Variants in EXOC4 observed in about 807,000 individuals in gnomAD.
EXOC4 encodes exocyst complex component 4, also known as SEC8-like 1.
EXOC4 carries 71 observed loss-of-function variants against 107.2 expected under a neutral mutation model. The ratio of observed to expected loss-of-function variants is 0.66; its 90% CI spans 0.55 to 0.81. EXOC4 has a LOEUF of 0.81. Among genes scored for constraint, EXOC4 ranks in the 30% least tolerant of loss-of-function variants. EXOC4 has a pLI of 0.00. For missense variants in EXOC4, 1,108 were observed against 1,189.6 expected (o/e 0.93, Z 1.01); for synonymous variants, 456 against 441.2 (o/e 1.03, Z -0.42).
At chr7:133,401,142 G>A (rs1797079434) in intron 7 of EXOC4, among the ~76,000 whole-genome samples, 2 of 149,488 alleles carry the variant, frequency 1.3e-5, no homozygotes, top group African/African-American at 4.9e-5. Context: ...TTTGTATACA[G>A]TATTATTCCT....
intron 16 of EXOC4, among the ~76,000 whole-genome samples, chr7:134,006,159 T>G (rs1794638207): frequency 1.3e-5 from 2 of 152,076 alleles, no homozygotes; most frequent in Admixed American, 1.3e-4. Flanking sequence ...CCCCTGCATA[T>G]CAACATTTGT....
chr7:133,690,301 A>C (rs1275173077), intron 10 of EXOC4, among the ~76,000 whole-genome samples: 1 of 152,234 alleles, frequency 6.6e-6, no homozygotes, highest in East Asian at 1.9e-4. Context: ...GGAGAAAGTC[A>C]CTTTTTAAGA....
intron 14 of EXOC4, among the ~76,000 whole-genome samples, chr7:133,987,219 G>A (rs1220890132): frequency 6.6e-6 from 1 of 152,036 alleles, no homozygotes; most frequent in African/African-American, 2.4e-5. Context: ...CCAGCACTTT[G>A]GGAAGCTGAG....
intron 9 of EXOC4, among the ~76,000 whole-genome samples, chr7:133,585,749 A>G (rs532067528): frequency 2.1e-4 from 32 of 152,278 alleles, no homozygotes; most frequent in African/African-American, 7.7e-4. Context: ...GCTGGAGTGC[A>G]GTGGTGCGAT....
chr7:134,024,563 A>T (rs1320358984), intron 17 of EXOC4, among the ~76,000 whole-genome samples: 1 of 152,204 alleles, frequency 6.6e-6, no homozygotes, highest in Non-Finnish European at 1.5e-5. Context: ...GTCATTTTAA[A>T]AGAAAAAGTA....
chr7:133,905,157 A>G (rs1307446844), intron 12 of EXOC4, among the ~76,000 whole-genome samples: 3 of 152,176 alleles, frequency 2.0e-5, no homozygotes, highest in African/African-American at 4.8e-5. Flanking sequence ...CATCAAATCT[A>G]GAAACTCACA....
chr7:133,625,739 T>C (rs1313035317), intron 9 of EXOC4, among the ~76,000 whole-genome samples: 3 of 152,214 alleles, frequency 2.0e-5, no homozygotes, highest in Non-Finnish European at 4.4e-5. Context: ...ATCATCGTCC[T>C]TGTAATACTA....
intron 9 of EXOC4, among the ~76,000 whole-genome samples, chr7:133,594,493 C>CTTGTTTGTTTTTTTTTTTTTTTTTT (rs1801618768): frequency 1.1e-5 from 1 of 90,356 alleles, no homozygotes; most frequent in Non-Finnish European, 2.0e-5. Context: ...AAGCTTGAGT[C>CTTGTTTGTTTTTTTTTTTTTTTTTT]TTTTTTTTTT....
At chr7:133,962,639 A>G (rs1800973874) in intron 14 of EXOC4, among the ~76,000 whole-genome samples, 1 of 152,200 alleles carries the variant, frequency 6.6e-6, no homozygotes, top group Non-Finnish European at 1.5e-5. Flanking sequence ...CCACACAAAC[A>G]ACATTTAGCA....
At chr7:133,598,564 A>G (rs1801735671) in intron 9 of EXOC4, among the ~76,000 whole-genome samples, 1 of 152,336 alleles carries the variant, frequency 6.6e-6, no homozygotes, top group South Asian at 2.1e-4. Context: ...GAAACTTTTA[A>G]TTGTGTCTAG....
intron 4 of EXOC4, among the ~76,000 whole-genome samples, chr7:133,307,748 C>T (rs1003142098): frequency 3.3e-5 from 5 of 152,164 alleles, no homozygotes; most frequent in Admixed American, 6.5e-5. Flanking sequence ...GGGCTTCAAA[C>T]GTGCTTATGC....
chr7:133,335,180 T>C (rs1165246652), intron 5 of EXOC4, among the ~76,000 whole-genome samples: 1 of 152,220 alleles, frequency 6.6e-6, no homozygotes, highest in Non-Finnish European at 1.5e-5. Flanking sequence ...TGGGATCTTT[T>C]TGTTTATAGC....
chr7:133,564,226 C>T (rs1484794249), intron 9 of EXOC4, among the ~76,000 whole-genome samples: 2 of 152,108 alleles, frequency 1.3e-5, no homozygotes, highest in Non-Finnish European at 2.9e-5. Flanking sequence ...CTCAGGAAAC[C>T]TTCAATCATG....
At chr7:133,909,234 G>A (rs902286860) in intron 12 of EXOC4, among the ~76,000 whole-genome samples, 22 of 152,194 alleles carry the variant, frequency 1.4e-4, no homozygotes, top group Non-Finnish European at 2.9e-4. Flanking sequence ...AGGGCTAAAG[G>A]TGAAGAAGTG....
intron 5 of EXOC4, among the ~76,000 whole-genome samples, chr7:133,328,417 G>A (rs1343963181): frequency 2.6e-5 from 4 of 152,082 alleles, no homozygotes; most frequent in South Asian, 2.1e-4. Context: ...GGGGCATTTA[G>A]CCTGTTTAAA....
chr7:133,938,898 G>A (rs1800363626), intron 14 of EXOC4, among the ~76,000 whole-genome samples: 2 of 152,202 alleles, frequency 1.3e-5, no homozygotes, highest in Non-Finnish European at 2.9e-5. Context: ...TGCCTCCTGG[G>A]TTAAAGCGAT....
intron 9 of EXOC4, among the ~76,000 whole-genome samples, chr7:133,534,609 A>G (rs948203553): frequency 2.0e-5 from 3 of 152,206 alleles, no homozygotes; most frequent in Middle Eastern, 3.2e-3. Flanking sequence ...AGTTTAACCT[A>G]GTAGTATTGA....
intron 1 of EXOC4, among the ~76,000 whole-genome samples, chr7:133,259,664 G>A (rs889625911): frequency 1.3e-5 from 2 of 152,110 alleles, no homozygotes; most frequent in African/African-American, 2.4e-5. Context: ...AGAAAACCGT[G>A]AAGATGAAAG....
At chr7:133,965,221 G>A (rs1801036309) in intron 14 of EXOC4, among the ~76,000 whole-genome samples, 1 of 152,100 alleles carries the variant, frequency 6.6e-6, no homozygotes, top group African/African-American at 2.4e-5. Flanking sequence ...TGTAGATTCT[G>A]GATATTAACC....
Sources: allele counts gnomAD v4.1 joint callset (sites outside exome capture counted in the v4.1 genomes callset), GRCh38; gene constraint gnomAD v4.1.1; transcripts MANE v1.5; gene names NCBI Gene and HGNC (gene_info 2026-07-23, HGNC 2026-07-21).